Variants in ALG13 observed in about 807,000 individuals in gnomAD.
ALG13 encodes UDP-N-acetylglucosamine transferase subunit ALG13.
In ALG13, 11 loss-of-function variants were observed where a neutral mutation model predicts 87.8. The observed-to-expected ratio is 0.13, with a 90% CI of 0.08 to 0.21. The LOEUF is 0.21. ALG13 is among the 10% of genes least tolerant of loss of function. The pLI, the probability that ALG13 is intolerant of heterozygous loss-of-function variation, is 1.00. For synonymous variants in ALG13, 320 were observed against 306.3 expected (o/e 1.04, Z -0.47); for missense variants, 756 against 866.1 (o/e 0.87, Z 1.60).
intron 3 of ALG13, chrX:111,689,932 CA>C: frequency 5.3e-6 from 4 of 753,633 alleles, no homozygotes; most frequent in Non-Finnish European, 6.3e-6. Context: ...TGGCGTATGA[CA>C]ACCTTACCTA....
At chrX:111,683,448 G>A (rs1219557737) in intron 2 of ALG13, among the ~76,000 whole-genome samples, 1 of 106,034 alleles carries the variant, frequency 9.4e-6, no homozygotes, top group Non-Finnish European at 1.9e-5. Context: ...TCCTGTCTCA[G>A]CCTCCCCAGT....
In ALG13 at chrX:111,708,508, G is replaced by T. The variant is rs1004805611; in HGVS notation, c.750+115G>T. 6 of 942,475 alleles carry T rather than the reference G, an allele frequency of 6.4e-6. No individual in the cohort carries two copies. The Admixed American group carries it at 1.5e-4, about 23-fold the overall frequency. 77.7% of individuals were successfully genotyped at this position (942,475 alleles called of 1,213,427 possible). A position where few individuals can be genotyped will look rare whatever the true frequency, so the allele number is the denominator to read the frequency against. Reference sequence around the variant, plus strand: ...TCCCCTGCTTTCTAGTGAAAACATCGGGCCTGTCAAGGTCCTAGAGAGAAG... The same window carrying T: ...TCCCCTGCTTTCTAGTGAAAACATCTGGCCTGTCAAGGTCCTAGAGAGAAG... On this transcript the variant is annotated intron_variant, in intron 4 of 26. Coordinates refer to ENST00000394780, the MANE Select transcript of ALG13 (RefSeq NM_001099922.3).
intron 3 of ALG13, among the ~76,000 whole-genome samples, chrX:111,699,830 G>C (rs1937488218): frequency 9.1e-6 from 1 of 110,401 alleles, no homozygotes; most frequent in Admixed American, 9.6e-5. Context: ...TGCCAGCTTT[G>C]TTCTTTTTAC....
chrX:111,718,386 G>A (rs1411230958), intron 10 of ALG13, 112 bp downstream of exon 10: 7 of 585,255 alleles, frequency 1.2e-5, no homozygotes, highest in African/African-American at 9.3e-5. Context: ...ATATTCACAC[G>A]TACACATATG....
intron 19 of ALG13, among the ~76,000 whole-genome samples, chrX:111,728,671 C>T (rs777298642): frequency 9.0e-6 from 1 of 110,926 alleles, no homozygotes; most frequent in African/African-American, 3.3e-5. Flanking sequence ...GTGTGACTGG[C>T]TATTATTTTT....
intron 26 of ALG13, among the ~76,000 whole-genome samples, chrX:111,759,403 A>G (rs899191309): frequency 9.0e-6 from 1 of 111,327 alleles, no homozygotes; most frequent in Admixed American, 9.6e-5. Flanking sequence ...GGATAACTCA[A>G]TTGTGACCAC....
intron 24 of ALG13, among the ~76,000 whole-genome samples, chrX:111,749,859 A>T (rs1006543159): frequency 1.5e-4 from 17 of 111,902 alleles, no homozygotes; most frequent in African/African-American, 5.5e-4. Context: ...TGTTTTTAAA[A>T]AATATCCACT....
intron 2 of ALG13, among the ~76,000 whole-genome samples, chrX:111,684,396 A>G (rs1464871119): frequency 9.1e-6 from 1 of 110,073 alleles, no homozygotes; most frequent in Non-Finnish European, 1.9e-5. Flanking sequence ...ATCATAGCTC[A>G]CTTCAAGCTC....
At chrX:111,750,568 A>G (rs1175150383) in intron 24 of ALG13, among the ~76,000 whole-genome samples, 4 of 111,074 alleles carry the variant, frequency 3.6e-5, no homozygotes, top group Admixed American at 9.6e-5. Flanking sequence ...CCATTTTTCC[A>G]ACAACATGTT....
chrX:111,685,142 T>A (rs1459375507), intron 3 of ALG13, 39 bp downstream of exon 3: 1 of 1,183,702 alleles, frequency 8.4e-7, no homozygotes, highest in Non-Finnish European at 1.1e-6. Context: ...CTTGCCTTAA[T>A]TCGTCCCTTG....
Position 111,681,273 on chromosome X carries a change from T to C in ALG13, c.55T>C (p.Cys19Arg). The C allele has an allele frequency of 8.3e-7, 1 of 1,212,027 alleles. No individual in the cohort carries two copies. Among genetic ancestry groups the C allele is most frequent in the Non-Finnish European group, 1.1e-6 (1 of 895,495 alleles). Reference sequence around the variant, plus strand: ...CACCAGCTTTGACGACCTCATTGCGTGTGTGTCGGCGCCCGACAGTCTGCA... The same window carrying C: ...CACCAGCTTTGACGACCTCATTGCGCGTGTGTCGGCGCCCGACAGTCTGCA... ...GTTSFDDLIACVSAPDSLQKI... is the reference protein window; with the variant it reads ...GTTSFDDLIARVSAPDSLQKI... Residue 19 changes from cysteine (C) to arginine (R), a missense_variant, in exon 1 of 27, where the codon TGT (cysteine) becomes CGT (arginine). By Grantham distance (180) the Cys-to-Arg change is radical. Around this residue, in one of 9 missense-constraint regions of ALG13, gnomAD observed 153 missense variants for 168.7 expected, o/e 0.91. Transcript: ENST00000394780.
At chrX:111,731,261 G>A (rs928699662) in intron 21 of ALG13, among the ~76,000 whole-genome samples, 4 of 112,088 alleles carry the variant, frequency 3.6e-5, no homozygotes, top group Middle Eastern at 4.7e-3. Context: ...GGGTCCAGAT[G>A]TAGCTTCTTG....
At chrX:111,698,054 G>A (rs1416320188) in intron 3 of ALG13, among the ~76,000 whole-genome samples, 1 of 111,843 alleles carries the variant, frequency 8.9e-6, no homozygotes, top group Non-Finnish European at 1.9e-5. Flanking sequence ...ATTATACAAG[G>A]CTTACAACAA....
intron 3 of ALG13, among the ~76,000 whole-genome samples, chrX:111,687,027 G>A (rs978936928): frequency 9.0e-6 from 1 of 110,959 alleles, no homozygotes. Flanking sequence ...GTGCGATCTC[G>A]GCTCACCTCA....
chrX:111,744,082 T>C (rs1401615793), intron 23 of ALG13, among the ~76,000 whole-genome samples: 1 of 111,720 alleles, frequency 9.0e-6, no homozygotes, highest in East Asian at 2.8e-4. Context: ...TTCTAAGCTA[T>C]AGTAACAGGT....
At chrX:111,696,982 C>CTTTTTTTTT (rs55888261) in intron 3 of ALG13, among the ~76,000 whole-genome samples, 1 of 74,157 alleles carries the variant, frequency 1.3e-5, no homozygotes, top group African/African-American at 5.4e-5. Flanking sequence ...TGGTTCTTAC[C>CTTTTTTTTT]TTTTTTTTTT....
intron 8 of ALG13, 49 bp downstream of exon 8, chrX:111,713,346 C>A: frequency 2.4e-6 from 2 of 847,375 alleles, no homozygotes; most frequent in Non-Finnish European, 3.4e-6. Context: ...TTGAATGATG[C>A]TTCTGGCTTG....
At chrX:111,716,671 T>C (rs1325670386) in intron 8 of ALG13, among the ~76,000 whole-genome samples, 3 of 112,335 alleles carry the variant, frequency 2.7e-5, no homozygotes, top group Non-Finnish European at 5.6e-5. Flanking sequence ...ATTACTGAAA[T>C]AGAATTGTGA....
intron 3 of ALG13, chrX:111,690,313 TGAAAG>T (rs1248419536): frequency 7.3e-5 from 55 of 750,290 alleles, no homozygotes; most frequent in Non-Finnish European, 8.6e-5. Context: ...GATAAGGAAA[TGAAAG>T]AGAGTTTAGC....
Sources: allele counts gnomAD v4.1 joint callset (sites outside exome capture counted in the v4.1 genomes callset), GRCh38; gene constraint gnomAD v4.1.1; regional missense constraint gnomAD v4.1.1; transcripts MANE v1.5; gene names NCBI Gene and HGNC (gene_info 2026-07-23, HGNC 2026-07-21).